The following LINS1 variants were observed in gnomAD, a reference collection of about 807,000 sequenced individuals.
The protein encoded by LINS1 is protein Lines homolog 1.
Under a neutral mutation model 41.6 loss-of-function variants are expected in LINS1, and 27 were observed. The ratio of observed to expected loss-of-function variants is 0.65; its 90% CI spans 0.48 to 0.89. The LOEUF (loss-of-function observed/expected upper bound fraction) is 0.89. Ranked by LOEUF, LINS1 falls within the 40% of genes least tolerant of loss-of-function variation. The pLI is 0.00. For synonymous variants in LINS1, 336 were observed against 312.9 expected (o/e 1.07, Z -0.78); for missense variants, 955 against 884.1 (o/e 1.08, Z -1.02).
At chr15:100,575,938 G>C (rs1276587528) in intron 3 of LINS1, among the ~76,000 whole-genome samples, 1 of 152,292 alleles carries the variant, frequency 6.6e-6, no homozygotes, top group East Asian at 1.9e-4. Flanking sequence ...GGTACATAAT[G>C]AAATGAAGGC....
chr15:100,572,808 A>T, intron 5 of LINS1: 1 of 939,926 alleles, frequency 1.1e-6, no homozygotes, highest in Non-Finnish European at 1.3e-6. Flanking sequence ...TATATATGTA[A>T]CAATTTCTTT....
At chr15:100,598,259 G>A (rs562129023) in intron 1 of LINS1, among the ~76,000 whole-genome samples, 53 of 152,262 alleles carry the variant, frequency 3.5e-4, no homozygotes, top group Middle Eastern at 3.4e-3. Flanking sequence ...ACTTATATTT[G>A]TGGAATACAT....
At chr15:100,600,902 TAA>T (rs1165618189) in intron 1 of LINS1, among the ~76,000 whole-genome samples, 1 of 152,272 alleles carries the variant, frequency 6.6e-6, no homozygotes, top group Admixed American at 6.5e-5. Context: ...TCCAAACTCC[TAA>T]ACAAGGCTTA....
At position 100,580,716 on chromosome 15, in the gene LINS1, T is replaced by C. The variant is rs749638409; in HGVS notation, c.127A>G (p.Thr43Ala). 2.6e-5 allele frequency: 42 copies of C among 1,612,558 alleles called. No individual in the cohort carries two copies. Among genetic ancestry groups the C allele is most frequent in the Non-Finnish European group, 3.6e-5 (42 of 1,178,916 alleles). The change falls in exon 2 of 7, where the codon ACA becomes GCA. Residue 43 changes from threonine to alanine, a missense_variant. Transcript: ENST00000314742. ...NPAVSDQDCS[T>A]ATSLEWANTC... ...TTTGCCCATTCTAAGGAGGTGGCTG[T>C]AGAACAATCTTGATCTGAAACTGCT...
At chr15:100,582,369 A>T (rs976178414) in intron 1 of LINS1, among the ~76,000 whole-genome samples, 9 of 139,998 alleles carry the variant, frequency 6.4e-5, no homozygotes, top group Admixed American at 5.9e-4. Context: ...CCACTAGCCT[A>T]GTCTTGGTCT....
chr15:100,590,681 G>A (rs1260849652), intron 1 of LINS1, among the ~76,000 whole-genome samples: 1 of 152,204 alleles, frequency 6.6e-6, no homozygotes, highest in Non-Finnish European at 1.5e-5. Context: ...GCAGCTGCTG[G>A]CACTTGTGGC....
At chr15:100,599,516 T>C (rs1405725696) in intron 1 of LINS1, among the ~76,000 whole-genome samples, 3 of 152,188 alleles carry the variant, frequency 2.0e-5, no homozygotes, top group Non-Finnish European at 4.4e-5. Context: ...AGGAGACAAC[T>C]CTGTTTCTAG....
At position 100,580,683 on chromosome 15, in the gene LINS1, CA is replaced by C; in HGVS notation, c.159del (p.Cys53TrpfsTer19). On this transcript the variant is annotated frameshift_variant, in exon 2 of 7. Coordinates refer to ENST00000314742, the MANE Select transcript of LINS1 (RefSeq NM_001040616.3). LOFTEE classifies it high-confidence loss of function. ...ATGGGCTGATGCCTGCCCTGGATACCACAGGTGTTTGCCCATTCTAAGGAGG... is the reference window on the plus strand; with the variant it reads ...ATGGGCTGATGCCTGCCCTGGATACCCAGGTGTTTGCCCATTCTAAGGAGG... ...TATSLEWANT[C>X]GIQGRHQPIS... 1 of 1,613,830 alleles carries C rather than the reference CA, an allele frequency of 6.2e-7. No individual in the cohort carries two copies. The highest frequency in any genetic ancestry group is 8.5e-7 in the Non-Finnish European group (1 of 1,179,880).
In LINS1 at chr15:100,570,799, T is replaced by C. The variant is rs1469501028; in HGVS notation, c.1395-682A>G. Among the ~76,000 whole-genome samples the C allele has an allele frequency of 3.3e-5, 5 of 152,292 alleles. No individual in the cohort carries two copies. The East Asian group carries it at 7.7e-4, about 23-fold the overall frequency. ...AATAAATGCTGGCTTTTGCTCAAAT[T>C]AGAGTTGGTTTCTATCATTTACAAC... is the stretch of plus-strand genomic sequence containing the variant. On this transcript the variant is annotated intron_variant, in intron 6 of 6. Transcript: ENST00000314742.
intron 1 of LINS1, among the ~76,000 whole-genome samples, chr15:100,591,687 C>T (rs1272051438): frequency 2.6e-5 from 4 of 152,072 alleles, no homozygotes; most frequent in Non-Finnish European, 4.4e-5. Context: ...ATCTTTTAAC[C>T]AAATTCATTT....
intron 1 of LINS1, among the ~76,000 whole-genome samples, chr15:100,597,144 C>T (rs762298371): frequency 6.6e-5 from 10 of 152,186 alleles, no homozygotes; most frequent in Non-Finnish European, 1.5e-4. Context: ...AAACCTTCTA[C>T]ATTTTCACTG....
At chr15:100,599,868 C>G (rs917721096) in intron 1 of LINS1, among the ~76,000 whole-genome samples, 9 of 152,240 alleles carry the variant, frequency 5.9e-5, no homozygotes, top group Admixed American at 1.3e-4. Flanking sequence ...AGGTTCGAGA[C>G]CAGCCTGGCC....
At chr15:100,591,833 G>C (rs529498847) in intron 1 of LINS1, among the ~76,000 whole-genome samples, 4 of 152,250 alleles carry the variant, frequency 2.6e-5, no homozygotes, top group Non-Finnish European at 5.9e-5. Context: ...AATAGGTAGG[G>C]ACTGTGCCCC....
chr15:100,567,275 C>T lies in LINS1; in HGVS notation c.*1963G>A, dbSNP rs778450830. On this transcript the variant is annotated 3_prime_UTR_variant, in exon 7 of 7. Transcript: ENST00000314742. ...CATAGGACAGTCACAGTAAAAATAA[C>T]GGCTTGATAGTCTTATGGGACCACT... 1 of 152,136 alleles carries T rather than the reference C, an allele frequency of 6.6e-6. No homozygotes were observed. The highest frequency in any genetic ancestry group is 2.4e-5 in the African/African-American group (1 of 41,414). 9.4% of individuals were successfully genotyped at this position (152,136 alleles called of 1,614,324 possible).
intron 1 of LINS1, among the ~76,000 whole-genome samples, chr15:100,590,869 T>G (rs776667593): frequency 1.3e-5 from 2 of 152,158 alleles, no homozygotes; most frequent in Non-Finnish European, 2.9e-5. Context: ...CTTGGTATTA[T>G]CCTCCCAATA....
chr15:100,601,537 T>A (rs541201861), intron 1 of LINS1, among the ~76,000 whole-genome samples: 1 of 152,114 alleles, frequency 6.6e-6, no homozygotes, highest in East Asian at 1.9e-4. Context: ...AGGGGACAGA[T>A]ATTCACACCA....
At chr15:100,597,583 G>A (rs2039302054) in intron 1 of LINS1, among the ~76,000 whole-genome samples, 2 of 152,198 alleles carry the variant, frequency 1.3e-5, no homozygotes, top group Non-Finnish European at 2.9e-5. Context: ...AAAATAAATG[G>A]AAATTATCCA....
Position 100,569,164 on chromosome 15 carries a change from T to TTTATACTA in LINS1, c.*66_*73dup. ...AAGAAAACCCTTTTATGGTGATGAT[T>TTTATACTA]TTATACTATTACCTCATTGAGACAT... On this transcript the variant is annotated 3_prime_UTR_variant, in exon 7 of 7. Coordinates refer to ENST00000314742, the MANE Select transcript of LINS1 (RefSeq NM_001040616.3). The TTTATACTA allele has an allele frequency of 9.7e-7, 1 of 1,033,700 alleles. No homozygotes were observed. The highest frequency in any genetic ancestry group is 1.5e-6 in the Non-Finnish European group (1 of 688,208). 64.0% of individuals were successfully genotyped at this position (1,033,700 alleles called of 1,614,324 possible).
chr15:100,601,576 A>G (rs2039496553), intron 1 of LINS1, among the ~76,000 whole-genome samples: 1 of 151,960 alleles, frequency 6.6e-6, no homozygotes. Context: ...ACAGCCCATC[A>G]CGTCCTGGTC....
Sources: gnomAD v4.1 joint callset for allele counts (sites outside exome capture counted in the v4.1 genomes callset) on GRCh38, gnomAD v4.1.1 for gene constraint, MANE v1.5 for transcripts, NCBI Gene and HGNC (gene_info 2026-07-23, HGNC 2026-07-21) for gene names.